The following POLA2 variants were observed in gnomAD, a reference collection of about 807,000 sequenced individuals.
POLA2 encodes DNA polymerase alpha 2, accessory subunit, also known as DNA polymerase alpha subunit B.
POLA2 carries 47 observed loss-of-function variants against 82.8 expected under a neutral mutation model. The observed-to-expected ratio is 0.57, with a 90% CI of 0.45 to 0.72. The LOEUF is 0.72. Among genes scored for constraint, POLA2 ranks in the 30% least tolerant of loss-of-function variants. The pLI, the probability that POLA2 is intolerant of heterozygous loss-of-function variation, is 0.00. For missense variants in POLA2, 634 were observed against 728.1 expected, an observed-to-expected ratio of 0.87 and a Z score of 1.49; for synonymous variants, 287 against 286.8, an observed-to-expected ratio of 1.00 and a Z score of -0.01.
intron 10 of POLA2, among the ~76,000 whole-genome samples, chr11:65,284,412 G>A (rs988319442): frequency 6.6e-6 from 1 of 152,058 alleles, no homozygotes; most frequent in Non-Finnish European, 1.5e-5. Flanking sequence ...AGCCCAGGAA[G>A]TCAAGGCTGC....
Position 65,268,634 on chromosome 11 carries a change from G to A in POLA2, c.297-38G>A, listed in dbSNP as rs1949488860. The A allele has an allele frequency of 2.2e-6, 3 of 1,376,828 alleles. No individual in the cohort carries two copies. In the African/African-American group the frequency reaches 4.3e-5, roughly 20 times the overall value. 85.3% of individuals were successfully genotyped at this position (1,376,828 alleles called of 1,614,324 possible). A position where few individuals can be genotyped will look rare whatever the true frequency, so the allele number is the denominator to read the frequency against. On this transcript the variant is annotated intron_variant, in intron 3 of 17. Coordinates refer to ENST00000265465, the MANE Select transcript of POLA2 (RefSeq NM_002689.4). ...TGGGATTACAGGCATGAGCTACCGT[G>A]CCCAGCCATTATTGTTTTTCTTAAC...
chr11:65,280,756 G>T (rs56133922), intron 7 of POLA2: 1 of 502,750 alleles, frequency 2.0e-6, no homozygotes, highest in Non-Finnish European at 3.6e-6. Context: ...TCACACTTAG[G>T]CAGCCTCCTA....
intron 13 of POLA2, among the ~76,000 whole-genome samples, chr11:65,292,237 G>A (rs954386019): frequency 6.6e-6 from 1 of 152,066 alleles, no homozygotes; most frequent in Admixed American, 6.5e-5. Context: ...CTCCATCTCA[G>A]AAAAAGAAAA....
chr11:65,270,647 T>C (rs775203358), intron 4 of POLA2, among the ~76,000 whole-genome samples: 2 of 152,150 alleles, frequency 1.3e-5, no homozygotes, highest in Non-Finnish European at 2.9e-5. Context: ...CACATCCAAC[T>C]TAGCTACCAG....
Position 65,294,172 on chromosome 11 carries a change from T to G in POLA2, c.1264T>G (p.Phe422Val). 1 of 1,613,994 alleles carries G rather than the reference T, an allele frequency of 6.2e-7. No homozygotes were observed. Among genetic ancestry groups the G allele is most frequent in the East Asian group, 2.2e-5 (1 of 44,874 alleles). The change falls in exon 14 of 18, where the codon TTT (phenylalanine) becomes GTT (valine). Residue 422 changes from phenylalanine (F) to valine (V), a missense_variant. Transcript: ENST00000265465. ...TACTAGCTCCGGCTCCCACCTTGTC[T>G]TTGTCCCGTCATTGAGAGATGTGCA... The part of the protein sequence containing the change: ...GTRSSGSHLV[F>V]VPSLRDVHHE...
At chr11:65,293,392 T>C (rs1949775451) in intron 13 of POLA2, among the ~76,000 whole-genome samples, 2 of 152,062 alleles carry the variant, frequency 1.3e-5, no homozygotes, top group Non-Finnish European at 2.9e-5. Context: ...GGTGGATCAC[T>C]TGAGGCCAGG....
intron 6 of POLA2, 93 bp from the exon 7 acceptor site, chr11:65,279,445 C>A: frequency 1.2e-6 from 1 of 808,914 alleles, no homozygotes; most frequent in Non-Finnish European, 2.0e-6. Flanking sequence ...TGTAAAATGA[C>A]TGACTTTAAT....
chr11:65,271,507 T>C (rs1010822052), intron 4 of POLA2, among the ~76,000 whole-genome samples: 3 of 152,184 alleles, frequency 2.0e-5, no homozygotes, highest in Admixed American at 2.0e-4. Flanking sequence ...AAATCCCATA[T>C]TTAGGATACC....
chr11:65,278,044 T>A (rs1590898565), intron 5 of POLA2, among the ~76,000 whole-genome samples: 1 of 152,182 alleles, frequency 6.6e-6, no homozygotes, highest in Non-Finnish European at 1.5e-5. Context: ...CTGTACGGCG[T>A]GTTTACAACC....
rs148617320 is a variant in POLA2, at chr11:65,268,940, A to G, written c.354+211A>G. Reference sequence around the variant, plus strand: ...TAGTTATCCTGCTTTTCTCAGCACAACATAAAACATTTCTATAAACATAAT... The same window carrying G: ...TAGTTATCCTGCTTTTCTCAGCACAGCATAAAACATTTCTATAAACATAAT... On this transcript the variant is annotated intron_variant, in intron 4 of 17. Coordinates refer to ENST00000265465, the MANE Select transcript of POLA2 (RefSeq NM_002689.4). 2.3e-3 allele frequency among the ~76,000 whole-genome samples: 347 copies of G among 152,324 alleles called. 2 individuals carry two copies. Among genetic ancestry groups the G allele is most frequent in the African/African-American group, 7.5e-3 (310 of 41,576 alleles).
At chr11:65,270,091 A>C (rs559460566) in intron 4 of POLA2, among the ~76,000 whole-genome samples, 1 of 152,372 alleles carries the variant, frequency 6.6e-6, no homozygotes, top group East Asian at 1.9e-4. Flanking sequence ...CTCGGCCTCC[A>C]AAGTGCTGGG....
chr11:65,274,212 C>T (rs1276916322), intron 4 of POLA2, among the ~76,000 whole-genome samples: 4 of 151,006 alleles, frequency 2.6e-5, no homozygotes, highest in South Asian at 2.1e-4. Flanking sequence ...ATTAGCTGGG[C>T]GTGGTGGTGC....
chr11:65,278,677 C>T (rs1949606441), intron 5 of POLA2, 53 bp from the exon 6 acceptor site: 1 of 1,411,780 alleles, frequency 7.1e-7, no homozygotes, highest in Non-Finnish European at 9.8e-7. Context: ...TTTTATTCTT[C>T]TCTCCCTTTA....
rs1949621259 is a variant in POLA2, at chr11:65,279,788, G to A, written c.744+162G>A. The A allele has an allele frequency of 8.9e-6, 5 of 562,886 alleles. No homozygotes were observed. The South Asian group carries it at 1.2e-4, about 13-fold the overall frequency. The allele number at this position is 562,886 out of a possible 1,614,324, so 34.9% of individuals were successfully genotyped here. ...AATGGGCCCTTCTGAAGAAAGATTTGTAAGTGCTGTCTGGTTTTGTGGCCA... is the reference window on the plus strand; with the variant it reads ...AATGGGCCCTTCTGAAGAAAGATTTATAAGTGCTGTCTGGTTTTGTGGCCA... On this transcript the variant is annotated intron_variant, in intron 7 of 17. Transcript: ENST00000265465.
intron 7 of POLA2, 198 bp from the exon 8 acceptor site, chr11:65,280,794 T>G (rs1949631671): frequency 1.8e-6 from 1 of 566,100 alleles, no homozygotes; most frequent in Non-Finnish European, 3.1e-6. Flanking sequence ...GGTGGATGGG[T>G]GGACAAGATG....
chr11:65,262,411 C>T (rs1331659639), intron 1 of POLA2, 40 bp downstream of exon 1: 1 of 1,540,160 alleles, frequency 6.5e-7, no homozygotes, highest in African/African-American at 1.4e-5. Flanking sequence ...CCGTGCTCCA[C>T]GCTCTCGCCC....
At chr11:65,285,125 G>T (rs888377327) in intron 10 of POLA2, among the ~76,000 whole-genome samples, 3 of 151,958 alleles carry the variant, frequency 2.0e-5, no homozygotes, top group African/African-American at 7.3e-5. Flanking sequence ...CAAAAATTAG[G>T]CCAGGCGCAG....
intron 1 of POLA2, among the ~76,000 whole-genome samples, chr11:65,263,380 C>G (rs899800994): frequency 1.3e-5 from 2 of 151,844 alleles, no homozygotes; most frequent in Non-Finnish European, 2.9e-5. Flanking sequence ...CCACCAGGCC[C>G]GACTAATTTT....
At position 65,297,406 on chromosome 11, in the gene POLA2, A is replaced by C; in HGVS notation, c.*137A>C. ...CAGCCAGGGAGGGGCAGCTGCAGTG[A>C]CCAGGCCCAGCAGGGAGGACTTGTG... On this transcript the variant is annotated 3_prime_UTR_variant, in exon 18 of 18. Transcript: ENST00000265465. 1 of 1,026,028 alleles carries C rather than the reference A, an allele frequency of 9.7e-7. No individual in the cohort carries two copies. The highest frequency in any genetic ancestry group is 1.3e-6 in the Non-Finnish European group (1 of 742,784). 63.6% of individuals were successfully genotyped at this position (1,026,028 alleles called of 1,614,324 possible).
Sources: allele counts gnomAD v4.1 joint callset (sites outside exome capture counted in the v4.1 genomes callset), GRCh38; gene constraint gnomAD v4.1.1; transcripts MANE v1.5; gene names NCBI Gene and HGNC (gene_info 2026-07-23, HGNC 2026-07-21).